CEP128: variants seen among roughly 807,000 people sequenced by gnomAD.
CEP128 encodes the protein centrosomal protein 128kDa.
Under a neutral mutation model 156.7 loss-of-function variants are expected in CEP128, and 132 were observed. That is an observed-to-expected ratio of 0.84 (90% CI 0.73 to 0.97). The LOEUF (loss-of-function observed/expected upper bound fraction) is 0.97, where lower values mean the gene tolerates loss of function less well. CEP128 is among the 50% of genes least tolerant of loss of function. The pLI is 0.00. For missense variants in CEP128, 1,252 were observed against 1,281.9 expected (o/e 0.98, Z 0.36); for synonymous variants, 469 against 448.9 (o/e 1.04, Z -0.57).
intron 4 of CEP128, among the ~76,000 whole-genome samples, chr14:80,909,122 TTC>T (rs1884056458): frequency 1.3e-5 from 2 of 151,672 alleles, no homozygotes; most frequent in Non-Finnish European, 2.9e-5. Flanking sequence ...AGACTTACCC[TTC>T]TGGACTTAAG....
chr14:80,688,955 G>T (rs1386653709), intron 19 of CEP128, among the ~76,000 whole-genome samples: 1 of 152,134 alleles, frequency 6.6e-6, no homozygotes. Flanking sequence ...AAAGATGAGG[G>T]AATCAAATAG....
intron 19 of CEP128, among the ~76,000 whole-genome samples, chr14:80,589,977 A>T (rs556205449): frequency 6.6e-6 from 1 of 152,158 alleles, no homozygotes; most frequent in African/African-American, 2.4e-5. Context: ...TCAGGTAACA[A>T]GCGTTTTACA....
intron 21 of CEP128, among the ~76,000 whole-genome samples, chr14:80,557,322 T>C (rs1364242401): frequency 6.6e-6 from 1 of 152,214 alleles, no homozygotes; most frequent in Non-Finnish European, 1.5e-5. Flanking sequence ...ATTTGTTTGG[T>C]CCTAAATATT....
chr14:80,836,160 C>T, intron 12 of CEP128, 45 bp downstream of exon 12: 2 of 1,589,998 alleles, frequency 1.3e-6, no homozygotes, highest in Non-Finnish European at 1.7e-6. Context: ...AACCAAAAAG[C>T]CCCCACACAC....
intron 19 of CEP128, among the ~76,000 whole-genome samples, chr14:80,664,266 G>C (rs1895521552): frequency 6.6e-6 from 1 of 152,176 alleles, no homozygotes; most frequent in Admixed American, 6.5e-5. Flanking sequence ...CCTTCTGGCA[G>C]CGGGTGTCAG....
At chr14:80,700,449 A>G (rs887589900) in intron 19 of CEP128, among the ~76,000 whole-genome samples, 3 of 152,118 alleles carry the variant, frequency 2.0e-5, no homozygotes, top group Non-Finnish European at 2.9e-5. Flanking sequence ...AAACAAGACT[A>G]AACTGCAAAT....
intron 20 of CEP128, among the ~76,000 whole-genome samples, chr14:80,570,629 G>C (rs1891101252): frequency 1.3e-5 from 2 of 152,108 alleles, no homozygotes; most frequent in South Asian, 4.1e-4. Flanking sequence ...ATTAAAAATT[G>C]TGAGAGTGTG....
intron 19 of CEP128, among the ~76,000 whole-genome samples, chr14:80,734,385 C>A (rs1424382207): frequency 1.3e-5 from 2 of 152,006 alleles, no homozygotes; most frequent in Non-Finnish European, 2.9e-5. Context: ...TCCACAAAAG[C>A]CATATGTCCC....
chr14:80,779,737 T>A (rs1901001241), intron 15 of CEP128, among the ~76,000 whole-genome samples: 1 of 152,222 alleles, frequency 6.6e-6, no homozygotes, highest in African/African-American at 2.4e-5. Flanking sequence ...AAGCCTGTTT[T>A]CAAATATTTA....
intron 19 of CEP128, among the ~76,000 whole-genome samples, chr14:80,609,997 T>C (rs1181704749): frequency 6.6e-6 from 1 of 152,190 alleles, no homozygotes; most frequent in Admixed American, 6.5e-5. Context: ...TATTTCCATC[T>C]CAGTGTACTT....
At chr14:80,775,433 T>C (rs1225788081) in intron 16 of CEP128, among the ~76,000 whole-genome samples, 2 of 152,184 alleles carry the variant, frequency 1.3e-5, no homozygotes, top group Non-Finnish European at 2.9e-5. Context: ...AAACTAAATA[T>C]TAAAGATTAG....
rs183664915 is a variant in CEP128 at position 80,837,688 on chromosome 14, C to T, written c.924+516G>A. ...CCAAGATTGCGCCACTGCACTCCAG[C>T]CTGGCAACAGAGCGAGACTGCGTCT... On this transcript the variant is annotated intron_variant, in intron 11 of 24. Coordinates refer to ENST00000555265, the MANE Select transcript of CEP128 (RefSeq NM_152446.5). Among the ~76,000 whole-genome samples, 33 of 152,322 alleles carry T rather than the reference C, an allele frequency of 2.2e-4. No homozygotes were observed. The Middle Eastern group carries it at 0.01, about 47-fold the overall frequency.
intron 13 of CEP128, among the ~76,000 whole-genome samples, chr14:80,815,885 C>A (rs1204753288): frequency 6.6e-6 from 1 of 152,128 alleles, no homozygotes; most frequent in East Asian, 1.9e-4. Context: ...AATGAGTACA[C>A]ATGGACATAG....
intron 9 of CEP128, among the ~76,000 whole-genome samples, chr14:80,843,484 C>G (rs1025459605): frequency 6.6e-6 from 1 of 152,042 alleles, no homozygotes; most frequent in African/African-American, 2.4e-5. Flanking sequence ...CAGTCAGCAT[C>G]ATTTACTTGA....
intron 19 of CEP128, among the ~76,000 whole-genome samples, chr14:80,724,849 TATA>T (rs1897951795): frequency 6.6e-6 from 1 of 151,518 alleles, no homozygotes; most frequent in African/African-American, 2.4e-5. Context: ...CTTCTGACTG[TATA>T]CTCTAGCCTC....
intron 15 of CEP128, among the ~76,000 whole-genome samples, chr14:80,779,234 A>G (rs1900966840): frequency 2.0e-5 from 3 of 152,186 alleles, no homozygotes; most frequent in Admixed American, 1.3e-4. Flanking sequence ...AGTTTATCAT[A>G]TGAGTTTAAT....
chr14:80,543,960 T>C (rs903600585), intron 21 of CEP128, among the ~76,000 whole-genome samples: 1 of 152,168 alleles, frequency 6.6e-6, no homozygotes, highest in South Asian at 2.1e-4. Flanking sequence ...ATGAAAACTC[T>C]AGAAAACATG....
At chr14:80,789,053 G>C (rs1169664850) in intron 14 of CEP128, among the ~76,000 whole-genome samples, 1 of 152,150 alleles carries the variant, frequency 6.6e-6, no homozygotes, top group Non-Finnish European at 1.5e-5. Context: ...TATTTCTATG[G>C]AAGTTTTGCT....
chr14:80,553,280 C>T (rs1472256091), intron 21 of CEP128, among the ~76,000 whole-genome samples: 1 of 151,994 alleles, frequency 6.6e-6, no homozygotes, highest in Non-Finnish European at 1.5e-5. Flanking sequence ...GTGTGATGTT[C>T]GCTCCCTGTG....
Sources: gnomAD v4.1 joint callset for allele counts (sites outside exome capture counted in the v4.1 genomes callset) on GRCh38, gnomAD v4.1.1 for gene constraint, MANE v1.5 for transcripts, NCBI Gene and HGNC (gene_info 2026-07-23, HGNC 2026-07-21) for gene names.